The following KCNT2 variants were observed in gnomAD, a reference collection of about 807,000 sequenced individuals.
KCNT2 encodes the protein potassium sodium-activated channel subfamily T member 2.
KCNT2 carries 67 observed loss-of-function variants against 153.8 expected under a neutral mutation model. The ratio of observed to expected loss-of-function variants is 0.44; its 90% CI spans 0.36 to 0.53. KCNT2 has a LOEUF of 0.53. Among genes scored for constraint, KCNT2 ranks in the 20% least tolerant of loss-of-function variants. KCNT2 has a pLI of 0.00. For missense variants in KCNT2, 975 were observed against 1,354.8 expected, an observed-to-expected ratio of 0.72 and a Z score of 4.40; for synonymous variants, 500 against 458.8, an observed-to-expected ratio of 1.09 and a Z score of -1.15.
At chr1:196,440,998 T>G (rs1053546476) in intron 8 of KCNT2, among the ~76,000 whole-genome samples, 2 of 151,802 alleles carry the variant, frequency 1.3e-5, no homozygotes, top group Non-Finnish European at 2.9e-5. Flanking sequence ...AGCTCCCTCA[T>G]CCTGCTCAGA....
At chr1:196,564,221 C>T (rs1558083317) in intron 1 of KCNT2, among the ~76,000 whole-genome samples, 1 of 151,364 alleles carries the variant, frequency 6.6e-6, no homozygotes, top group Non-Finnish European at 1.5e-5. Flanking sequence ...TACACACTAA[C>T]AAGAAACTAT....
chr1:196,295,543 A>G (rs1660600483), intron 22 of KCNT2, among the ~76,000 whole-genome samples: 1 of 152,006 alleles, frequency 6.6e-6, no homozygotes, highest in South Asian at 2.1e-4. Flanking sequence ...AAATGTCTAC[A>G]GAAACATTTG....
intron 8 of KCNT2, among the ~76,000 whole-genome samples, chr1:196,446,848 A>G (rs1460126723): frequency 6.6e-6 from 1 of 151,516 alleles, no homozygotes; most frequent in African/African-American, 2.4e-5. Context: ...AAATTTGTCT[A>G]CTGTGTCTTC....
intron 1 of KCNT2, among the ~76,000 whole-genome samples, chr1:196,549,006 G>T (rs1208888074): frequency 3.3e-5 from 5 of 151,832 alleles, no homozygotes; most frequent in African/African-American, 1.2e-4. Context: ...GGACTGTTGT[G>T]GGGTGGGGGA....
Position 196,398,547 on chromosome 1 carries a change from C to A in KCNT2, c.1294+16G>T, listed in dbSNP as rs1201133742. ...TTCAGGAAATTCAATGGATCTCATGCAAGATAAAAACTTACCAGCAAATTT... is the reference window on the plus strand; with the variant it reads ...TTCAGGAAATTCAATGGATCTCATGAAAGATAAAAACTTACCAGCAAATTT... On this transcript the variant is annotated intron_variant, in intron 13 of 27. Transcript: ENST00000294725. 2 of 1,389,880 alleles carry A rather than the reference C, an allele frequency of 1.4e-6. No individual in the cohort carries two copies. Among genetic ancestry groups the A allele is most frequent in the Non-Finnish European group, 2.0e-6 (2 of 979,540 alleles). The allele number at this position is 1,389,880 out of a possible 1,614,324, so 86.1% of individuals were successfully genotyped here.
chr1:196,537,612 C>T (rs559896781), intron 1 of KCNT2, among the ~76,000 whole-genome samples: 1 of 152,224 alleles, frequency 6.6e-6, no homozygotes, highest in East Asian at 1.9e-4. Context: ...GGCTTTACAC[C>T]CCTACCTGGT....
At chr1:196,233,535 C>A (rs1398231449) in intron 27 of KCNT2, among the ~76,000 whole-genome samples, 1 of 151,274 alleles carries the variant, frequency 6.6e-6, no homozygotes, top group Non-Finnish European at 1.5e-5. Context: ...CCTTTTTCAG[C>A]TGGAAGATAA....
chr1:196,544,792 C>A (rs1466797485), intron 1 of KCNT2, among the ~76,000 whole-genome samples: 1 of 152,044 alleles, frequency 6.6e-6, no homozygotes, highest in Non-Finnish European at 1.5e-5. Context: ...AGCACAAAGG[C>A]ACATTGACGA....
At chr1:196,437,932 G>A (rs964306541) in intron 8 of KCNT2, among the ~76,000 whole-genome samples, 29 of 151,350 alleles carry the variant, frequency 1.9e-4, no homozygotes, top group Non-Finnish European at 3.5e-4. Flanking sequence ...AATCTAAAGT[G>A]AATGATTATG....
chr1:196,321,894 G>A (rs781384918), intron 19 of KCNT2, among the ~76,000 whole-genome samples: 4 of 151,836 alleles, frequency 2.6e-5, no homozygotes, highest in South Asian at 2.1e-4. Flanking sequence ...TCATGGCACC[G>A]ACCTGTTTAG....
At chr1:196,296,016 A>G (rs1240467214) in intron 22 of KCNT2, among the ~76,000 whole-genome samples, 1 of 152,016 alleles carries the variant, frequency 6.6e-6, no homozygotes, top group Non-Finnish European at 1.5e-5. Flanking sequence ...AAACTGCTCC[A>G]TATGTTACAC....
chr1:196,548,807 A>G (rs1657482945), intron 1 of KCNT2, among the ~76,000 whole-genome samples: 1 of 152,168 alleles, frequency 6.6e-6, no homozygotes, highest in Non-Finnish European at 1.5e-5. Context: ...CATATACACC[A>G]TGGAATACTA....
chr1:196,555,622 T>C (rs777382394), intron 1 of KCNT2, among the ~76,000 whole-genome samples: 1 of 151,170 alleles, frequency 6.6e-6, no homozygotes, highest in Non-Finnish European at 1.5e-5. Context: ...AAAATACCAA[T>C]GACATTCTTC....
intron 19 of KCNT2, among the ~76,000 whole-genome samples, chr1:196,326,325 G>A (rs1034373819): frequency 6.6e-6 from 1 of 151,860 alleles, no homozygotes; most frequent in Non-Finnish European, 1.5e-5. Flanking sequence ...ATCAGTAAAT[G>A]CTTCTCTGAT....
At chr1:196,529,921 G>A (rs1654725812) in intron 1 of KCNT2, among the ~76,000 whole-genome samples, 1 of 151,986 alleles carries the variant, frequency 6.6e-6, no homozygotes, top group African/African-American at 2.4e-5. Context: ...AAAATCAGAT[G>A]TTAATTTTAA....
chr1:196,593,796 T>G (rs1461085787), intron 1 of KCNT2, among the ~76,000 whole-genome samples: 1 of 152,126 alleles, frequency 6.6e-6, no homozygotes, highest in Non-Finnish European at 1.5e-5. Flanking sequence ...TATTTTTGAA[T>G]AGCGTACCTT....
intron 22 of KCNT2, among the ~76,000 whole-genome samples, chr1:196,294,856 T>C (rs1660536074): frequency 6.6e-6 from 1 of 151,574 alleles, no homozygotes; most frequent in African/African-American, 2.4e-5. Context: ...GTCATTAAAA[T>C]TGAATTCATA....
chr1:196,537,363 C>T (rs895067957), intron 1 of KCNT2, among the ~76,000 whole-genome samples: 6 of 152,204 alleles, frequency 3.9e-5, no homozygotes, highest in African/African-American at 1.4e-4. Flanking sequence ...GTCATGTCCA[C>T]TACATAGTGG....
chr1:196,258,204 T>C lies in KCNT2; in HGVS notation c.3201A>G (p.Thr1067=). ...KNRMKHLGLS[T]VGYDEMNDHQ... ...TTTTAAAGAGCATACCATATCCCACTGTAGAAAGACCCAAGTGTTTCATTC... is the reference window on the plus strand; with the variant it reads ...TTTTAAAGAGCATACCATATCCCACCGTAGAAAGACCCAAGTGTTTCATTC... The change falls in exon 26 of 28, where the codon ACA becomes ACG. Residue 1067 remains threonine, a synonymous_variant. Transcript: ENST00000294725. 6.2e-7 allele frequency: 1 copy of C among 1,613,686 alleles called. No homozygotes were observed. The highest frequency in any genetic ancestry group is 8.5e-7 in the Non-Finnish European group (1 of 1,179,674).
Sources: allele counts gnomAD v4.1 joint callset (sites outside exome capture counted in the v4.1 genomes callset), GRCh38; gene constraint gnomAD v4.1.1; transcripts MANE v1.5; gene names NCBI Gene and HGNC (gene_info 2026-07-23, HGNC 2026-07-21).